WDFY2: variants seen among roughly 807,000 people sequenced by gnomAD.
WDFY2 encodes WD repeat and FYVE domain-containing protein 2.
A neutral mutation model predicts 56.4 loss-of-function variants in WDFY2; 36 were observed. The observed-to-expected ratio is 0.64, with a 90% CI of 0.49 to 0.84. The LOEUF is 0.84. Among genes scored for constraint, WDFY2 ranks in the 40% least tolerant of loss-of-function variants. WDFY2 has a pLI of 0.00. For synonymous variants in WDFY2, 176 were observed against 183.7 expected (o/e 0.96, Z 0.34); for missense variants, 444 against 512.2 (o/e 0.87, Z 1.29).
At chr13:51,731,814 C>G (rs1019784433) in intron 6 of WDFY2, among the ~76,000 whole-genome samples, 1 of 152,170 alleles carries the variant, frequency 6.6e-6, no homozygotes, top group Non-Finnish European at 1.5e-5. Flanking sequence ...ACTCCAAATC[C>G]AAACTCAGAA....
intron 1 of WDFY2, among the ~76,000 whole-genome samples, chr13:51,594,736 G>A (rs571927867): frequency 1.2e-4 from 19 of 152,296 alleles, no homozygotes; most frequent in Middle Eastern, 3.4e-3. Flanking sequence ...CTCAGTTTCC[G>A]TGTCTGCAAA....
intron 2 of WDFY2, among the ~76,000 whole-genome samples, chr13:51,666,449 G>T (rs751953524): frequency 1.3e-5 from 2 of 152,190 alleles, no homozygotes; most frequent in Non-Finnish European, 2.9e-5. Context: ...ACAGCCTACT[G>T]GTGTGGTCTA....
chr13:51,759,910 G>A lies in WDFY2; in HGVS notation c.*141G>A, dbSNP rs1384125607. The A allele has an allele frequency of 1.2e-6, 1 of 860,640 alleles. No homozygotes were observed. The highest frequency in any genetic ancestry group is 2.5e-5 in the Admixed American group (1 of 39,660). The allele number at this position is 860,640 out of a possible 1,614,324, so 53.3% of individuals were successfully genotyped here. On this transcript the variant is annotated 3_prime_UTR_variant, in exon 12 of 12. Coordinates refer to ENST00000298125, the MANE Select transcript of WDFY2 (RefSeq NM_052950.4). ...CTGAATGAATTTGCAGATTACCCATGTGCACAGTGGGGACCTGGCCAGTGA... is the reference window on the plus strand; with the variant it reads ...CTGAATGAATTTGCAGATTACCCATATGCACAGTGGGGACCTGGCCAGTGA...
At chr13:51,754,058 A>C (rs1354659539) in intron 8 of WDFY2, among the ~76,000 whole-genome samples, 1 of 147,190 alleles carries the variant, frequency 6.8e-6, no homozygotes, top group African/African-American at 2.5e-5. Context: ...GCACCACTGC[A>C]CTCCAGCCTG....
chr13:51,698,075 T>C (rs1322227937), intron 3 of WDFY2, among the ~76,000 whole-genome samples: 1 of 152,222 alleles, frequency 6.6e-6, no homozygotes, highest in East Asian at 1.9e-4. Context: ...CACAGAGCTC[T>C]TGAGCAACTT....
chr13:51,629,448 G>C (rs1380989950), intron 1 of WDFY2, among the ~76,000 whole-genome samples: 2 of 152,150 alleles, frequency 1.3e-5, no homozygotes, highest in Non-Finnish European at 2.9e-5. Context: ...ATATGACTTT[G>C]GAAGAGGTTC....
At chr13:51,751,121 C>T (rs889643971) in intron 7 of WDFY2, among the ~76,000 whole-genome samples, 189 bp from the exon 8 acceptor site, 3 of 152,076 alleles carry the variant, frequency 2.0e-5, no homozygotes, top group African/African-American at 7.2e-5. Flanking sequence ...ATGCCAGGAG[C>T]ATTCAGACTT....
chr13:51,607,439 G>C (rs768744305), intron 1 of WDFY2, among the ~76,000 whole-genome samples: 6 of 152,146 alleles, frequency 3.9e-5, no homozygotes, highest in Non-Finnish European at 2.9e-5. Flanking sequence ...GAGGACTCCA[G>C]TCATGTTGCC....
At chr13:51,709,912 G>A (rs566073970) in intron 4 of WDFY2, among the ~76,000 whole-genome samples, 1 of 152,188 alleles carries the variant, frequency 6.6e-6, no homozygotes, top group African/African-American at 2.4e-5. Context: ...AGAAAAAGAG[G>A]GAATCCTCCC....
At position 51,663,778 on chromosome 13, in the gene WDFY2, T is replaced by C. The variant is rs1023158664; in HGVS notation, c.205+3115T>C. On this transcript the variant is annotated intron_variant, in intron 2 of 11. Coordinates refer to ENST00000298125, the MANE Select transcript of WDFY2 (RefSeq NM_052950.4). ...ATTCTTAAATAATGGTTATGTGATA[T>C]TGGTTTCAAAACAAGTAAAAATGCA... Among the ~76,000 whole-genome samples the C allele has an allele frequency of 1.9e-4, 29 of 152,244 alleles. 1 individual carries two copies. The highest frequency in any genetic ancestry group is 6.8e-4 in the African/African-American group (28 of 41,472).
intron 8 of WDFY2, among the ~76,000 whole-genome samples, chr13:51,753,299 T>C (rs1953279305): frequency 6.6e-6 from 1 of 152,224 alleles, no homozygotes. Context: ...GGATGGCAGC[T>C]AGCTGAAAGA....
intron 1 of WDFY2, among the ~76,000 whole-genome samples, chr13:51,640,811 T>C (rs889153961): frequency 1.3e-5 from 2 of 152,004 alleles, no homozygotes; most frequent in African/African-American, 4.8e-5. Context: ...GATCACGCCA[T>C]TGCACTCCAG....
intron 6 of WDFY2, among the ~76,000 whole-genome samples, chr13:51,732,157 A>ATC (rs1049701708): frequency 5.9e-5 from 9 of 151,986 alleles, no homozygotes; most frequent in African/African-American, 2.2e-4. Context: ...TTGAGACAGA[A>ATC]TCTCGCTCTG....
At chr13:51,694,788 G>A (rs1340208385) in intron 3 of WDFY2, among the ~76,000 whole-genome samples, 1 of 152,096 alleles carries the variant, frequency 6.6e-6, no homozygotes, top group Non-Finnish European at 1.5e-5. Context: ...TTCCAACTTG[G>A]TTCCATTTTC....
At chr13:51,632,854 C>G (rs1251127180) in intron 1 of WDFY2, among the ~76,000 whole-genome samples, 1 of 152,192 alleles carries the variant, frequency 6.6e-6, no homozygotes, top group Non-Finnish European at 1.5e-5. Context: ...GTTCACTCAT[C>G]TGCCAAGTAG....
At chr13:51,641,654 G>A (rs1177113624) in intron 1 of WDFY2, among the ~76,000 whole-genome samples, 5 of 149,134 alleles carry the variant, frequency 3.4e-5, no homozygotes, top group Admixed American at 1.3e-4. Flanking sequence ...GTGAAACCCC[G>A]TCTCTACTAA....
chr13:51,735,535 G>T (rs146836209), intron 6 of WDFY2, among the ~76,000 whole-genome samples: 2 of 152,202 alleles, frequency 1.3e-5, no homozygotes, highest in Admixed American at 6.5e-5. Flanking sequence ...CACATATCCC[G>T]TAAGAGAATG....
chr13:51,678,995 GA>G (rs902202237), intron 3 of WDFY2, among the ~76,000 whole-genome samples: 7 of 152,118 alleles, frequency 4.6e-5, no homozygotes, highest in Admixed American at 2.0e-4. Flanking sequence ...TGGAGTGGGG[GA>G]AAAAAACCAC....
chr13:51,740,840 C>T (rs1225209895), intron 7 of WDFY2, among the ~76,000 whole-genome samples: 1 of 152,110 alleles, frequency 6.6e-6, no homozygotes, highest in African/African-American at 2.4e-5. Flanking sequence ...ATGAAGATGA[C>T]TAATATTCAC....
Sources: gnomAD v4.1 joint callset for allele counts (sites outside exome capture counted in the v4.1 genomes callset) on GRCh38, gnomAD v4.1.1 for gene constraint, MANE v1.5 for transcripts, NCBI Gene and HGNC (gene_info 2026-07-23, HGNC 2026-07-21) for gene names.